TBC1D32: variants seen among roughly 807,000 people sequenced by gnomAD.
TBC1D32 encodes TBC1 domain family member 32.
TBC1D32 carries 151 observed loss-of-function variants against 170.3 expected under a neutral mutation model. That is an observed-to-expected ratio of 0.89 (90% confidence interval 0.78 to 1.01). The LOEUF is 1.01. TBC1D32 is among the 50% of genes least tolerant of loss of function. The pLI is 0.00. For synonymous variants in TBC1D32, 498 were observed against 488.0 expected (o/e 1.02, Z -0.27); for missense variants, 1,464 against 1,457.1 (o/e 1.00, Z -0.08).
chr6:121,306,253 G>A (rs77701945), intron 5 of TBC1D32, among the ~76,000 whole-genome samples: 3,636 of 152,166 alleles, frequency 0.024, 159 homozygotes, highest in East Asian at 0.12. Flanking sequence ...TACAAACAGT[G>A]ATTCCCAAAC....
chr6:121,332,717 A>G (rs1166800478), intron 1 of TBC1D32, among the ~76,000 whole-genome samples: 1 of 152,158 alleles, frequency 6.6e-6, no homozygotes, highest in Non-Finnish European at 1.5e-5. Flanking sequence ...TTAATCACCC[A>G]GCCTATATTT....
chr6:121,223,321 TAGGATAACA>T lies in TBC1D32; in HGVS notation c.2387_2395del (p.Leu796_Ser798del), dbSNP rs1562967014. ...CCTTACAAGCTCATAAATAGCAGGATAGGATAACAAGTTCACCAGTGCTAAAAAAGACTA... is the reference window on the plus strand; with the variant it reads ...CCTTACAAGCTCATAAATAGCAGGATAGTTCACCAGTGCTAAAAAAGACTA... On this transcript the variant is annotated inframe_deletion, in exon 21 of 32. Transcript: ENST00000398212. The T allele has an allele frequency of 6.3e-7, 1 of 1,596,194 alleles. No homozygotes were observed. The highest frequency in any genetic ancestry group is 1.2e-5 in the South Asian group (1 of 86,846).
intron 29 of TBC1D32, among the ~76,000 whole-genome samples, chr6:121,109,295 C>T (rs1211559903): frequency 6.6e-6 from 1 of 152,130 alleles, no homozygotes; most frequent in African/African-American, 2.4e-5. Flanking sequence ...AGTGATTACC[C>T]TACATTATAA....
At chr6:121,324,313 C>T (rs1563411697) in intron 1 of TBC1D32, among the ~76,000 whole-genome samples, 1 of 152,124 alleles carries the variant, frequency 6.6e-6, no homozygotes, top group East Asian at 1.9e-4. Context: ...AAAATTATAA[C>T]TAGCATATTA....
intron 22 of TBC1D32, among the ~76,000 whole-genome samples, chr6:121,170,750 A>AT (rs1786868515): frequency 6.6e-6 from 1 of 152,006 alleles, no homozygotes; most frequent in African/African-American, 2.4e-5. Flanking sequence ...TCCAATCTAG[A>AT]TTTTTTAAAA....
At chr6:121,263,288 A>C (rs1230084237) in intron 15 of TBC1D32, among the ~76,000 whole-genome samples, 1 of 152,212 alleles carries the variant, frequency 6.6e-6, no homozygotes, top group Non-Finnish European at 1.5e-5. Flanking sequence ...AGGGGTTTCA[A>C]CACCAGTTTC....
chr6:121,086,204 T>C (rs1776260091), intron 31 of TBC1D32, among the ~76,000 whole-genome samples: 1 of 152,092 alleles, frequency 6.6e-6, no homozygotes, highest in African/African-American at 2.4e-5. Context: ...ACAAATATCA[T>C]CTCATTTAAT....
At chr6:121,126,296 T>C in intron 26 of TBC1D32, 82 bp downstream of exon 26, 2 of 1,013,430 alleles carry the variant, frequency 2.0e-6, no homozygotes, top group Non-Finnish European at 2.9e-6. Context: ...AAACTGCCTA[T>C]CTGTAATATC....
chr6:121,217,333 T>C lies in TBC1D32; in HGVS notation c.2481+5903A>G, dbSNP rs117376024. Among the ~76,000 whole-genome samples, 558 of 152,336 alleles carry C rather than the reference T, an allele frequency of 3.7e-3. 19 individuals are homozygous for C. The East Asian group carries it at 0.089, about 24-fold the overall frequency. ...TACCTTTTCTGTCCTACCTCAGAAG[T>C]ATATCAACTCTCCGGCTTTGTGTCA... On this transcript the variant is annotated intron_variant, in intron 21 of 31. Transcript: ENST00000398212.
chr6:121,145,987 G>C (rs112141322), intron 24 of TBC1D32, among the ~76,000 whole-genome samples: 1 of 152,148 alleles, frequency 6.6e-6, no homozygotes, highest in Admixed American at 6.5e-5. Flanking sequence ...TAGCTGGAGA[G>C]AGAAAACAGT....
chr6:121,201,973 T>C (rs768540692), intron 22 of TBC1D32, among the ~76,000 whole-genome samples: 2 of 151,000 alleles, frequency 1.3e-5, no homozygotes, highest in Non-Finnish European at 2.9e-5. Flanking sequence ...AAATGAAAGA[T>C]GTATTTTGTT....
intron 26 of TBC1D32, among the ~76,000 whole-genome samples, chr6:121,121,546 A>G: frequency 6.6e-6 from 1 of 151,934 alleles, no homozygotes; most frequent in Non-Finnish European, 1.5e-5. Context: ...GGAAAACTTC[A>G]TTTCTGTACT....
At chr6:121,184,117 A>G (rs535934968) in intron 22 of TBC1D32, among the ~76,000 whole-genome samples, 1 of 152,220 alleles carries the variant, frequency 6.6e-6, no homozygotes, top group South Asian at 2.1e-4. Context: ...TGACTTGGCC[A>G]AATGTGAATG....
intron 11 of TBC1D32, among the ~76,000 whole-genome samples, chr6:121,294,224 G>C (rs1398980447): frequency 6.6e-6 from 1 of 152,030 alleles, no homozygotes; most frequent in African/African-American, 2.4e-5. Flanking sequence ...CCATTAAAGT[G>C]CATATATGCC....
Position 121,108,105 on chromosome 6 carries a change from T to C in TBC1D32, c.3325-1942A>G, listed in dbSNP as rs371366492. Among the ~76,000 whole-genome samples the C allele has an allele frequency of 1.8e-4, 27 of 152,182 alleles. No homozygotes were observed. In the East Asian group the frequency reaches 4.1e-3, roughly 23 times the overall value. On this transcript the variant is annotated intron_variant, in intron 29 of 31. Coordinates refer to ENST00000398212, the MANE Select transcript of TBC1D32 (RefSeq NM_152730.6). Reference sequence around the variant, plus strand: ...ATGATTGCACACACAGACTGCACAGTATGCAATCATTAGTGTTTTTTCTTT... The same window carrying C: ...ATGATTGCACACACAGACTGCACAGCATGCAATCATTAGTGTTTTTTCTTT...
At chr6:121,082,539 GCAGAAGAACTGTTT>G (rs1469492408) in intron 31 of TBC1D32, among the ~76,000 whole-genome samples, 1 of 151,854 alleles carries the variant, frequency 6.6e-6, no homozygotes, top group Middle Eastern at 3.2e-3. Flanking sequence ...AGATCCAATG[GCAGAAGAACTGTTT>G]CAGGACATAT....
chr6:121,126,491 T>C lies in TBC1D32; in HGVS notation c.2900-30A>G, dbSNP rs1031728918. On this transcript the variant is annotated intron_variant, in intron 25 of 31. Coordinates refer to ENST00000398212, the MANE Select transcript of TBC1D32 (RefSeq NM_152730.6). The stretch of plus-strand genomic sequence containing the variant: ...AATAAACAAAGGAATAATTAGGATA[T>C]TAAAGGTCAGAATAATATGTGACAA... 1.3e-5 allele frequency: 20 copies of C among 1,522,330 alleles called. No homozygotes were observed. In the East Asian group the frequency reaches 3.6e-4, roughly 27 times the overall value. 94.3% of individuals were successfully genotyped at this position (1,522,330 alleles called of 1,614,324 possible). A position where few individuals can be genotyped will look rare whatever the true frequency, so the allele number is the denominator to read the frequency against.
intron 29 of TBC1D32, among the ~76,000 whole-genome samples, chr6:121,108,401 ACT>A (rs1470172776): frequency 6.6e-6 from 1 of 151,976 alleles, no homozygotes; most frequent in Non-Finnish European, 1.5e-5. Flanking sequence ...GACAGTCACC[ACT>A]CTCTGAAAGG....
chr6:121,114,407 C>T (rs556577730), intron 27 of TBC1D32, among the ~76,000 whole-genome samples: 2 of 152,028 alleles, frequency 1.3e-5, no homozygotes, highest in Admixed American at 6.6e-5. Flanking sequence ...ATATTATCTA[C>T]GAAGTCCATT....
Sources: allele counts gnomAD v4.1 joint callset (sites outside exome capture counted in the v4.1 genomes callset), GRCh38; gene constraint gnomAD v4.1.1; transcripts MANE v1.5; gene names NCBI Gene and HGNC (gene_info 2026-07-23, HGNC 2026-07-21).